The following SETD7 variants were observed in gnomAD, a reference collection of about 807,000 sequenced individuals.
SETD7 encodes the protein SET domain containing 7, histone lysine methyltransferase.
In SETD7, 16 loss-of-function variants were observed where a neutral mutation model predicts 41.8. The observed-to-expected ratio is 0.38, with a 90% CI of 0.26 to 0.58. The LOEUF (loss-of-function observed/expected upper bound fraction) is 0.58, where lower values mean the gene tolerates loss of function less well. Ranked by LOEUF, SETD7 falls within the 20% of genes least tolerant of loss-of-function variation. SETD7 has a pLI of 0.64. For synonymous variants in SETD7, 163 were observed against 169.7 expected (o/e 0.96, Z 0.31); for missense variants, 346 against 459.7 (o/e 0.75, Z 2.26).
In SETD7 at chr4:139,555,354, C is replaced by A. The variant is rs1029450975; in HGVS notation, c.40+744G>T. Among the ~76,000 whole-genome samples the A allele has an allele frequency of 1.6e-4, 25 of 151,650 alleles. No individual in the cohort carries two copies. The highest frequency in any genetic ancestry group is 2.7e-4 in the Non-Finnish European group (18 of 67,886). On this transcript the variant is annotated intron_variant, in intron 1 of 7. Coordinates refer to ENST00000274031, the MANE Select transcript of SETD7 (RefSeq NM_030648.4). This position sits in a 1 kb window ranked among gnomAD's most constrained non-coding sequence, Gnocchi z 4.0. The stretch of plus-strand genomic sequence containing the variant: ...TAAGTGTCACCCAGCAATCTCGGTG[C>A]GGACTCGCGGCGCGCCTGCACAGCG...
chr4:139,528,922 C>T (rs1377682495), intron 4 of SETD7, 109 bp downstream of exon 4: 13 of 973,878 alleles, frequency 1.3e-5, no homozygotes, highest in East Asian at 4.9e-5. Context: ...CTAATAAACA[C>T]GATTAAAGAG....
downstream of SETD7, among the ~76,000 whole-genome samples, chr4:139,501,232 A>G (rs6842056): frequency 0.22 from 33,534 of 152,166 alleles, 6,155 homozygotes; most frequent in African/African-American, 0.51. Context: ...TGATTTGCTA[A>G]TGGCCCAGAA....
chr4:139,547,405 G>A (rs748949620), intron 1 of SETD7, among the ~76,000 whole-genome samples: 1 of 152,174 alleles, frequency 6.6e-6, no homozygotes, highest in Non-Finnish European at 1.5e-5. Flanking sequence ...TCTCCCGAGA[G>A]TCCTCATATT....
At chr4:139,553,959 G>C (rs983084606) in intron 1 of SETD7, among the ~76,000 whole-genome samples, 1 of 152,202 alleles carries the variant, frequency 6.6e-6, no homozygotes, top group Non-Finnish European at 1.5e-5. Flanking sequence ...AAGAGTGCAC[G>C]CACAGGTACG....
At chr4:139,501,606 CA>C (rs11420288), downstream of SETD7, among the ~76,000 whole-genome samples, 96 of 150,334 alleles carry the variant, frequency 6.4e-4, 1 homozygote, top group East Asian at 2.7e-3. Flanking sequence ...AAAAGGTACT[CA>C]AAAAAAAACC....
chr4:139,509,127 A>T lies in SETD7; in HGVS notation c.*2536T>A, dbSNP rs1259497613. The stretch of plus-strand genomic sequence containing the variant: ...GTGCAGGGGACTTGGAACAGGGAAC[A>T]GGAGAGGGCAGCTGGGGCTGCTGTT... On this transcript the variant is annotated 3_prime_UTR_variant, in exon 8 of 8. Transcript: ENST00000274031. 4.6e-5 allele frequency: 7 copies of T among 152,660 alleles called. No homozygotes were observed. Among genetic ancestry groups the T allele is most frequent in the African/African-American group, 1.7e-4 (7 of 41,568 alleles). The allele number at this position is 152,660 out of a possible 1,614,324, so 9.5% of individuals were successfully genotyped here. A position where few individuals can be genotyped will look rare whatever the true frequency, so the allele number is the denominator to read the frequency against.
intron 1 of SETD7, among the ~76,000 whole-genome samples, chr4:139,551,194 G>C (rs919184456): frequency 5.9e-5 from 9 of 152,214 alleles, no homozygotes; most frequent in African/African-American, 1.9e-4. Context: ...AGTCCTCCTT[G>C]CTCTGCATGA....
At chr4:139,532,988 A>T (rs1727530470) in intron 3 of SETD7, 177 bp downstream of exon 3, 1 of 604,576 alleles carries the variant, frequency 1.7e-6, no homozygotes, top group Admixed American at 3.0e-5. Flanking sequence ...AAGGGCCAAC[A>T]ATCTAAGCCA....
At chr4:139,524,920 G>T (rs933937722) in intron 4 of SETD7, among the ~76,000 whole-genome samples, 1 of 152,018 alleles carries the variant, frequency 6.6e-6, no homozygotes, top group African/African-American at 2.4e-5. Context: ...GGGTTCAAGC[G>T]ATTCTCCTGC....
chr4:139,516,465 C>CA (rs66848307), intron 7 of SETD7, among the ~76,000 whole-genome samples: 60 of 93,032 alleles, frequency 6.4e-4, no homozygotes, highest in African/African-American at 1.8e-3. Flanking sequence ...GACTCTGTCT[C>CA]AAAAAAAAAA....
chr4:139,523,012 C>G (rs959979391), intron 5 of SETD7, among the ~76,000 whole-genome samples: 7 of 152,068 alleles, frequency 4.6e-5, no homozygotes, highest in African/African-American at 1.7e-4. Flanking sequence ...CCTTGGCCTC[C>G]CAAAATGCTG....
intron 3 of SETD7, chr4:139,532,889 A>G (rs1727526428): frequency 3.8e-6 from 2 of 523,534 alleles, no homozygotes; most frequent in Non-Finnish European, 6.7e-6. Context: ...TATTAGTGAT[A>G]CAATAAAACC....
At chr4:139,512,752 C>CTTTTTTTTT (rs140570195) in intron 7 of SETD7, among the ~76,000 whole-genome samples, 2 of 75,536 alleles carry the variant, frequency 2.6e-5, no homozygotes, top group Non-Finnish European at 4.9e-5. Flanking sequence ...TTTTCTTATT[C>CTTTTTTTTT]TTTTTTTTTT....
rs75224908 is a variant in SETD7, at chr4:139,542,107, G to A, written c.170+4813C>T. ...TTGTGACAATATGAATGATCCTAGAGGACATCATGTAAAGTGAAATAAGCC... is the reference window on the plus strand; with the variant it reads ...TTGTGACAATATGAATGATCCTAGAAGACATCATGTAAAGTGAAATAAGCC... On this transcript the variant is annotated intron_variant, in intron 2 of 7. Transcript: ENST00000274031. Among the ~76,000 whole-genome samples, 373 of 152,276 alleles carry A rather than the reference G, an allele frequency of 2.4e-3. 8 individuals are homozygous for A. In the East Asian group the frequency reaches 0.057, roughly 23 times the overall value.
chr4:139,498,309 C>T (rs113229427), intron 7 of SETD7, among the ~76,000 whole-genome samples: 2 of 151,978 alleles, frequency 1.3e-5, no homozygotes, highest in Admixed American at 6.6e-5. Flanking sequence ...CCTACAACCA[C>T]TTCCTTCTTA....
rs1289199264 is a variant in SETD7 at position 139,506,762 on chromosome 4, T to C, written c.*4901A>G. The C allele has an allele frequency of 3.9e-5, 6 of 152,616 alleles. No individual in the cohort carries two copies. Among genetic ancestry groups the C allele is most frequent in the Non-Finnish European group, 2.9e-5 (2 of 68,026 alleles). 9.5% of individuals were successfully genotyped at this position (152,616 alleles called of 1,614,324 possible). On this transcript the variant is annotated 3_prime_UTR_variant, in exon 8 of 8. Transcript: ENST00000274031. ...AGTTTTTGTTTGTTTGTTTTTTCAA[T>C]AACATAAGAGTCAGGAGAGTTGGGA...
At chr4:139,511,931 C>T in intron 7 of SETD7, 88 bp from the exon 8 acceptor site, 2 of 1,507,942 alleles carry the variant, frequency 1.3e-6, no homozygotes, top group Non-Finnish European at 1.8e-6. Flanking sequence ...AGGAATCACC[C>T]CCAGGCACTC....
chr4:139,493,112 G>T (rs1371755321), downstream of SETD7, among the ~76,000 whole-genome samples: 1 of 152,244 alleles, frequency 6.6e-6, no homozygotes, highest in African/African-American at 2.4e-5. Context: ...TTATGTTACA[G>T]TGTTAGAAGA....
chr4:139,546,993 T>C lies in SETD7; in HGVS notation c.97A>G (p.Thr33Ala), dbSNP rs767986771. 1 of 1,614,208 alleles carries C rather than the reference T, an allele frequency of 6.2e-7. No homozygotes were observed. Among genetic ancestry groups the C allele is most frequent in the African/African-American group, 1.3e-5 (1 of 75,052 alleles). The change falls in exon 2 of 8, where the codon ACA becomes GCA. Residue 33 changes from threonine to alanine, a missense_variant. Physicochemically the swap from Thr to Ala is moderately conservative, Grantham distance 58 (BLOSUM62 0). Coordinates refer to ENST00000274031, the MANE Select transcript of SETD7 (RefSeq NM_030648.4). ...HGFCTVTYSS[T>A]DRFEGNFVHG... is the part of the protein sequence containing the mutation. ...ACAAAGTTCCCCTCAAATCTGTCTG[T>C]GGAGGAGTAGGTGACTGTGCAGAAC... is the stretch of plus-strand genomic sequence containing the variant.
Sources: gnomAD v4.1 joint callset for allele counts (sites outside exome capture counted in the v4.1 genomes callset) on GRCh38, gnomAD v4.1.1 for gene constraint, Gnocchi (gnomAD v3.1) non-coding constraint, MANE v1.5 for transcripts, NCBI Gene and HGNC (gene_info 2026-07-23, HGNC 2026-07-21) for gene names.